TET2: variants seen among roughly 807,000 people sequenced by gnomAD.
TET2 encodes methylcytosine dioxygenase TET2.
Under a neutral mutation model 142.9 loss-of-function variants are expected in TET2, and 299 were observed. The observed-to-expected ratio is 2.09, with a 90% confidence interval of 1.90 to 2.30. The LOEUF is 2.30. Ranked by LOEUF, TET2 falls within the 30% of genes most tolerant of loss-of-function variation. The probability of loss-of-function intolerance (pLI) is 0.00; values close to 1 mark genes in which losing one functional copy is unlikely to be tolerated. For missense variants in TET2, 2,418 were observed against 2,378.0 expected (o/e 1.02, Z -0.35); for synonymous variants, 819 against 849.0 (o/e 0.96, Z 0.61).
intron 8 of TET2, among the ~76,000 whole-genome samples, chr4:105,268,067 A>G (rs1730775681): frequency 6.6e-6 from 1 of 152,160 alleles, no homozygotes; most frequent in East Asian, 1.9e-4. Context: ...TTCAACATCA[A>G]ACTGTAAATT....
At chr4:105,171,690 T>G (rs1724475528) in intron 1 of TET2, 1 of 152,230 alleles carries the variant, frequency 6.6e-6, no homozygotes, top group Non-Finnish European at 1.5e-5. Context: ...CTGCTGCCAG[T>G]GTAATGTTTG....
intron 3 of TET2, chr4:105,238,853 A>T (rs2110242093): frequency 4.2e-6 from 1 of 239,714 alleles, no homozygotes; most frequent in East Asian, 6.4e-5. Context: ...CTTTGCCCGG[A>T]TCCATCAGAA....
At chr4:105,249,020 A>G (rs1031135304) in intron 6 of TET2, among the ~76,000 whole-genome samples, 2 of 119,760 alleles carry the variant, frequency 1.7e-5, no homozygotes, top group Admixed American at 1.0e-4. Flanking sequence ...TTTTTTGTCC[A>G]CGTATATATT....
In TET2 at chr4:105,232,541, A is replaced by G. The variant is rs1027348009; in HGVS notation, c.-46-1356A>G. Among the ~76,000 whole-genome samples the G allele has an allele frequency of 1.5e-4, 23 of 152,196 alleles. 1 individual carries two copies. Reference sequence around the variant, plus strand: ...GATTAATTCTTTTAGAGAGTCAAAGATGGAATCCTAGGGAAGATGATATCT... The same window carrying G: ...GATTAATTCTTTTAGAGAGTCAAAGGTGGAATCCTAGGGAAGATGATATCT... On this transcript the variant is annotated intron_variant, in intron 2 of 10. Transcript: ENST00000380013.
intron 3 of TET2, 78 bp downstream of exon 3, chr4:105,237,429 TTC>T: frequency 6.2e-7 from 1 of 1,613,734 alleles, no homozygotes; most frequent in Non-Finnish European, 8.5e-7. Flanking sequence ...GGGATTTTCC[TTC>T]TTTTTTTAAA....
At chr4:105,214,499 A>AG (rs1553910934) in intron 2 of TET2, among the ~76,000 whole-genome samples, 1 of 112,110 alleles carries the variant, frequency 8.9e-6, no homozygotes, top group African/African-American at 3.6e-5. Flanking sequence ...TTTTTTGTAG[A>AG]GAGGTTTCGC....
chr4:105,269,023 A>T (rs764701232), intron 8 of TET2, among the ~76,000 whole-genome samples: 4 of 152,178 alleles, frequency 2.6e-5, no homozygotes, highest in Non-Finnish European at 4.4e-5. Context: ...ACCTACATAC[A>T]CACCATTATA....
chr4:105,231,367 G>C (rs1728495548), intron 2 of TET2, among the ~76,000 whole-genome samples: 1 of 152,008 alleles, frequency 6.6e-6, no homozygotes, highest in South Asian at 2.1e-4. Flanking sequence ...TTATATATTA[G>C]TATAGTTTTA....
intron 1 of TET2, among the ~76,000 whole-genome samples, chr4:105,159,877 G>T (rs190579163): frequency 4.6e-5 from 7 of 152,084 alleles, no homozygotes; most frequent in Admixed American, 4.6e-4. Flanking sequence ...GGTGGCGGGC[G>T]CCTGTAATCC....
intron 6 of TET2, among the ~76,000 whole-genome samples, chr4:105,254,853 C>T (rs774615058): frequency 4.6e-5 from 7 of 152,212 alleles, no homozygotes; most frequent in Non-Finnish European, 7.3e-5. Flanking sequence ...ATGTAGAAAA[C>T]TCACAAAACT....
chr4:105,258,771 A>C (rs1009950848), intron 6 of TET2, among the ~76,000 whole-genome samples: 5 of 152,138 alleles, frequency 3.3e-5, no homozygotes, highest in African/African-American at 1.2e-4. Flanking sequence ...GTGCTACCTG[A>C]ATATTTTTTC....
chr4:105,237,009 AGC>A lies in TET2; in HGVS notation c.3068_3069del (p.Ser1023AsnfsTer3). 6.2e-7 allele frequency: 1 copy of A among 1,614,172 alleles called. No individual in the cohort carries two copies. The highest frequency in any genetic ancestry group is 8.5e-7 in the Non-Finnish European group (1 of 1,180,014). ...AAGCTGTGATAATGTGCAGCAAAAGAGCATCATTGAGACCATGGAGCAGCATC... is the reference window on the plus strand; with the variant it reads ...AAGCTGTGATAATGTGCAGCAAAAGAATCATTGAGACCATGGAGCAGCATC... The part of the protein sequence containing the change: ...PASCDNVQQK[S>X]IIETMEQHLK... On this transcript the variant is annotated frameshift_variant, in exon 3 of 11. Transcript: ENST00000380013. LOFTEE classifies it high-confidence loss of function.
chr4:105,236,738 C>A lies in TET2; in HGVS notation c.2796C>A (p.Asp932Glu), dbSNP rs1728948494. The A allele has an allele frequency of 6.2e-7, 1 of 1,613,928 alleles. No individual in the cohort carries two copies. Among genetic ancestry groups the A allele is most frequent in the South Asian group, 1.1e-5 (1 of 91,086 alleles). ...ATGCAAATGTTTTTCCTGTGCCTGACCAGGGAGGAAGTCACACTCAGACCC... is the reference window on the plus strand; with the variant it reads ...ATGCAAATGTTTTTCCTGTGCCTGAACAGGGAGGAAGTCACACTCAGACCC... The part of the protein sequence containing the change: ...HNHANVFPVP[D>E]QGGSHTQTPP... Residue 932 changes from aspartate to glutamate, a missense_variant, in exon 3 of 11, where the codon GAC (aspartate) becomes GAA (glutamate). Coordinates refer to ENST00000380013, the MANE Select transcript of TET2 (RefSeq NM_001127208.3).
At chr4:105,270,197 G>A (rs1730884401) in intron 9 of TET2, among the ~76,000 whole-genome samples, 1 of 152,310 alleles carries the variant, frequency 6.6e-6, no homozygotes, top group Non-Finnish European at 1.5e-5. Flanking sequence ...AGAGTAATAT[G>A]TTGTCTGCAG....
At position 105,255,350 on chromosome 4, in the gene TET2, T is replaced by C. The variant is rs1051339697; in HGVS notation, c.3804-4269T>C. On this transcript the variant is annotated intron_variant, in intron 6 of 10. Transcript: ENST00000380013. ...TATAATTTTATCAGAAAACACACTT[T>C]GCACAATTTTTGCAGTGTTACATTT... is the stretch of plus-strand genomic sequence containing the variant. Among the ~76,000 whole-genome samples the C allele has an allele frequency of 5.9e-5, 9 of 152,234 alleles. No homozygotes were observed. The East Asian group carries it at 9.6e-4, about 16-fold the overall frequency.
chr4:105,267,946 A>G lies in TET2; in HGVS notation c.4045-1664A>G, dbSNP rs531692889. On this transcript the variant is annotated intron_variant, in intron 8 of 10. Transcript: ENST00000380013. ...AGGAAACTTTCTCAACCTATTAAAT[A>G]CATAAATGGAAAGCCAAAAGCTAAT... is the stretch of plus-strand genomic sequence containing the variant. Among the ~76,000 whole-genome samples the G allele has an allele frequency of 1.8e-4, 28 of 152,280 alleles. 2 individuals are homozygous for G. The South Asian group carries it at 5.8e-3, about 32-fold the overall frequency.
rs1343956441 is a variant in TET2, at chr4:105,272,788, A to G, written c.4407A>G (p.Leu1469=). ...EPVKTCRQRK[L]EAKKAAAEKL... ...TCAAGACTTGCCGACAAAGGAAACT[A>G]GAAGCCAAGAAAGCTGCAGCTGAAA... Residue 1469 remains leucine (L), a synonymous_variant, in exon 10 of 11, where the codon CTA becomes CTG. Coordinates refer to ENST00000380013, the MANE Select transcript of TET2 (RefSeq NM_001127208.3). The G allele has an allele frequency of 2.6e-6, 4 of 1,551,734 alleles. No homozygotes were observed. Among genetic ancestry groups the G allele is most frequent in the East Asian group, 2.4e-5 (1 of 40,924 alleles).
At chr4:105,147,087 A>C (rs1167747212) in intron 1 of TET2, 108 bp downstream of exon 1, 1 of 152,198 alleles carries the variant, frequency 6.6e-6, no homozygotes, top group Non-Finnish European at 1.5e-5. Context: ...ACCCACAAAT[A>C]CCAAGAGGGA....
intron 7 of TET2, 80 bp from the exon 8 acceptor site, chr4:105,261,679 G>C: frequency 1.3e-6 from 1 of 793,302 alleles, no homozygotes; most frequent in Non-Finnish European, 2.0e-6. Flanking sequence ...AATGTAAGGG[G>C]AATAATCTAA....
Sources: allele counts gnomAD v4.1 joint callset (sites outside exome capture counted in the v4.1 genomes callset), GRCh38; gene constraint gnomAD v4.1.1; transcripts MANE v1.5; gene names NCBI Gene and HGNC (gene_info 2026-07-23, HGNC 2026-07-21).